Variants in ANKRD44 observed in about 807,000 individuals in gnomAD.
ANKRD44 encodes the protein serine/threonine-protein phosphatase 6 regulatory ankyrin repeat subunit B.
In ANKRD44, 35 loss-of-function variants were observed where a neutral mutation model predicts 116.0. The observed-to-expected ratio is 0.30, with a 90% confidence interval of 0.23 to 0.40. The LOEUF is 0.40. ANKRD44 is among the 10% of genes least tolerant of loss of function. ANKRD44 has a pLI of 1.00. For missense variants in ANKRD44, 1,014 were observed against 1,242.6 expected (o/e 0.82, Z 2.77); for synonymous variants, 435 against 461.8 (o/e 0.94, Z 0.74).
At chr2:197,169,324 G>T (rs2080171518) in intron 2 of ANKRD44, among the ~76,000 whole-genome samples, 1 of 152,028 alleles carries the variant, frequency 6.6e-6, no homozygotes, top group Non-Finnish European at 1.5e-5. Flanking sequence ...TAGCACACTT[G>T]GCTTTCTTCA....
intron 1 of ANKRD44, among the ~76,000 whole-genome samples, chr2:197,263,951 T>C (rs570143338): frequency 2.1e-5 from 1 of 47,554 alleles, no homozygotes; most frequent in East Asian, 6.1e-4. Context: ...CAGGTCATGT[T>C]CTTAAAAGAA....
chr2:197,263,819 A>T lies in ANKRD44; in HGVS notation c.27+46759T>A, dbSNP rs2082672948. On this transcript the variant is annotated intron_variant, in intron 1 of 27. Coordinates refer to ENST00000282272, the MANE Select transcript of ANKRD44 (RefSeq NM_001195144.2). ...AGGATCCATCTTCTCTCTCCTCTAT[A>T]GTAACAGAAGCCTTAGCTAGGCACA... is the stretch of plus-strand genomic sequence containing the variant. Among the ~76,000 whole-genome samples the T allele has an allele frequency of 5.9e-5, 9 of 152,166 alleles. No homozygotes were observed. The South Asian group carries it at 1.9e-3, about 32-fold the overall frequency.
chr2:197,142,826 G>T lies in ANKRD44; in HGVS notation c.190+4201C>A, dbSNP rs146537294. On this transcript the variant is annotated intron_variant, in intron 3 of 27. Coordinates refer to ENST00000282272, the MANE Select transcript of ANKRD44 (RefSeq NM_001195144.2). ...AAAATTTTTGGGAATAATTTTGCAGGACTACCACTTGTTGGGTTGCATAAA... is the reference window on the plus strand; with the variant it reads ...AAAATTTTTGGGAATAATTTTGCAGTACTACCACTTGTTGGGTTGCATAAA... Among the ~76,000 whole-genome samples, 368 of 152,106 alleles carry T rather than the reference G, an allele frequency of 2.4e-3. 2 individuals are homozygous for T. Among genetic ancestry groups the T allele is most frequent in the African/African-American group, 8.0e-3 (333 of 41,530 alleles).
chr2:197,108,215 CCT>C (rs1427960767), intron 9 of ANKRD44, among the ~76,000 whole-genome samples: 3 of 152,146 alleles, frequency 2.0e-5, no homozygotes, highest in Non-Finnish European at 4.4e-5. Context: ...CAAGTGACAA[CCT>C]CTCTGCCTCA....
At chr2:197,033,329 T>C (rs892180053) in intron 16 of ANKRD44, among the ~76,000 whole-genome samples, 9 of 152,138 alleles carry the variant, frequency 5.9e-5, no homozygotes, top group Non-Finnish European at 7.3e-5. Flanking sequence ...ATGATTACCA[T>C]GATGATGAAG....
intron 8 of ANKRD44, among the ~76,000 whole-genome samples, chr2:197,114,523 T>C (rs560706998): frequency 6.6e-6 from 1 of 152,322 alleles, no homozygotes; most frequent in East Asian, 1.9e-4. Flanking sequence ...AAAGCAGTGT[T>C]TATATTTTCT....
rs189581179 is a variant in ANKRD44 at position 197,284,487 on chromosome 2, C to T, written c.27+26091G>A. ...CACCACATGGTCAAACAAGAACTCA[C>T]GGCAACAGAGAGTCAAACACACACA... On this transcript the variant is annotated intron_variant, in intron 1 of 27. Coordinates refer to ENST00000282272, the MANE Select transcript of ANKRD44 (RefSeq NM_001195144.2). 1.4e-4 allele frequency among the ~76,000 whole-genome samples: 21 copies of T among 148,676 alleles called. No individual in the cohort carries two copies. In the East Asian group the frequency reaches 3.2e-3, roughly 22 times the overall value.
intron 16 of ANKRD44, among the ~76,000 whole-genome samples, chr2:197,032,477 C>G (rs1041626091): frequency 3.3e-5 from 5 of 151,890 alleles, no homozygotes; most frequent in African/African-American, 1.2e-4. Context: ...CAACTTCCGC[C>G]TCCCGGGTTC....
chr2:197,031,412 T>C (rs1574313198), intron 16 of ANKRD44, among the ~76,000 whole-genome samples: 1 of 152,208 alleles, frequency 6.6e-6, no homozygotes, highest in Non-Finnish European at 1.5e-5. Context: ...GGTACAATGA[T>C]AGCACAGTAG....
In ANKRD44 at chr2:197,252,591, A is replaced by G. The variant is rs144365892; in HGVS notation, c.27+57987T>C. Among the ~76,000 whole-genome samples, 946 of 152,176 alleles carry G rather than the reference A, an allele frequency of 6.2e-3. 11 individuals are homozygous for G. The highest frequency in any genetic ancestry group is 0.022 in the African/African-American group (893 of 41,514). On this transcript the variant is annotated intron_variant, in intron 1 of 27. Transcript: ENST00000282272. ...CCGGCTAATTTTTTGCGTTTTTAGT[A>G]GAGACGGGGTTTCACCGTGTATAAC...
chr2:197,303,369 C>T (rs1348476426), intron 1 of ANKRD44, among the ~76,000 whole-genome samples: 1 of 152,182 alleles, frequency 6.6e-6, no homozygotes, highest in Non-Finnish European at 1.5e-5. Context: ...GGACTTACCC[C>T]AAACCATACA....
At chr2:197,023,283 T>C (rs184996909) in intron 17 of ANKRD44, among the ~76,000 whole-genome samples, 5 of 152,346 alleles carry the variant, frequency 3.3e-5, no homozygotes, top group Admixed American at 6.5e-5. Context: ...TTTGGGTTAA[T>C]ATCACACAAT....
intron 1 of ANKRD44, among the ~76,000 whole-genome samples, chr2:197,279,298 G>A (rs1298308839): frequency 6.6e-6 from 1 of 152,106 alleles, no homozygotes; most frequent in African/African-American, 2.4e-5. Flanking sequence ...ATTTGTCCTT[G>A]GAAGATGGCC....
intron 1 of ANKRD44, among the ~76,000 whole-genome samples, chr2:197,285,317 T>C (rs1033258507): frequency 7.2e-5 from 11 of 152,162 alleles, no homozygotes; most frequent in African/African-American, 2.7e-4. Context: ...TGTCTGATGC[T>C]ATAAAATGCT....
intron 1 of ANKRD44, among the ~76,000 whole-genome samples, chr2:197,208,122 T>C (rs536826673): frequency 1.8e-4 from 27 of 152,352 alleles, no homozygotes; most frequent in Middle Eastern, 3.4e-3. Flanking sequence ...GTCTGAGATT[T>C]GTTACGTATT....
In ANKRD44 at chr2:197,045,860, G is replaced by GA. The variant is rs544985938; in HGVS notation, c.1651-20594dup. Among the ~76,000 whole-genome samples the GA allele has an allele frequency of 3.1e-4, 47 of 151,030 alleles. No homozygotes were observed. The South Asian group carries it at 7.9e-3, about 25-fold the overall frequency. On this transcript the variant is annotated intron_variant, in intron 16 of 27. Coordinates refer to ENST00000282272, the MANE Select transcript of ANKRD44 (RefSeq NM_001195144.2). ...TAAATTTGTTTTGATGCATAAATTT[G>GA]AAAAAAAATGAAAGAATTGTAAACT...
intron 1 of ANKRD44, among the ~76,000 whole-genome samples, chr2:197,281,171 A>ATGCCTGTC (rs1224938543): frequency 6.6e-6 from 1 of 152,184 alleles, no homozygotes; most frequent in Admixed American, 6.5e-5. Flanking sequence ...GTAGGTATAA[A>ATGCCTGTC]TGCCTGTCCA....
At chr2:197,129,281 G>C (rs1461191107) in intron 4 of ANKRD44, among the ~76,000 whole-genome samples, 1 of 152,000 alleles carries the variant, frequency 6.6e-6, no homozygotes, top group Non-Finnish European at 1.5e-5. Context: ...TTATAGGCAT[G>C]CGCCACCACG....
At chr2:197,176,896 C>A (rs1176311645) in intron 2 of ANKRD44, among the ~76,000 whole-genome samples, 1 of 150,940 alleles carries the variant, frequency 6.6e-6, no homozygotes, top group Non-Finnish European at 1.5e-5. Flanking sequence ...CATTTCAGGT[C>A]TTTTAAAGTC....
Sources: gnomAD v4.1 joint callset for allele counts (sites outside exome capture counted in the v4.1 genomes callset) on GRCh38, gnomAD v4.1.1 for gene constraint, MANE v1.5 for transcripts, NCBI Gene and HGNC (gene_info 2026-07-23, HGNC 2026-07-21) for gene names.